Variants in RERE observed in about 807,000 individuals in gnomAD.
RERE encodes arginine-glutamic acid dipeptide repeats protein.
Under a neutral mutation model 146.1 loss-of-function variants are expected in RERE, and 40 were observed. The observed-to-expected ratio is 0.27, with a 90% CI of 0.21 to 0.36. The LOEUF (loss-of-function observed/expected upper bound fraction) is 0.36. Among genes scored for constraint, RERE ranks in the 10% least tolerant of loss-of-function variants. The pLI is 1.00. For synonymous variants in RERE, 1,003 were observed against 866.0 expected (o/e 1.16, Z -2.78); for missense variants, 1,933 against 2,138.7 (o/e 0.90, Z 1.90).
intron 1 of RERE, among the ~76,000 whole-genome samples, chr1:8,807,525 C>T (rs1387656954): frequency 1.3e-5 from 2 of 152,168 alleles, no homozygotes; most frequent in East Asian, 3.9e-4. Context: ...GCCAGACCAA[C>T]AAGAGGTCTT....
intron 11 of RERE, among the ~76,000 whole-genome samples, chr1:8,436,507 G>C (rs1644171617): frequency 6.6e-6 from 1 of 151,942 alleles, no homozygotes; most frequent in East Asian, 1.9e-4. Context: ...CAACACAGGA[G>C]GAAAGAGAAA....
chr1:8,573,469 G>A (rs1046206191), intron 4 of RERE, among the ~76,000 whole-genome samples: 2 of 151,912 alleles, frequency 1.3e-5, no homozygotes, highest in East Asian at 1.9e-4. Context: ...ATCCATCCAC[G>A]CCCTAGTTCA....
intron 10 of RERE, among the ~76,000 whole-genome samples, chr1:8,485,404 C>T (rs183296315): frequency 6.6e-6 from 1 of 151,822 alleles, no homozygotes; most frequent in Non-Finnish European, 1.5e-5. Flanking sequence ...ACCTGAAAAC[C>T]ATCTTCATTA....
intron 1 of RERE, among the ~76,000 whole-genome samples, chr1:8,801,024 T>A (rs1641580498): frequency 6.6e-6 from 1 of 151,834 alleles, no homozygotes; most frequent in African/African-American, 2.4e-5. Flanking sequence ...TTTGGGAGGC[T>A]GAGGTAGGTG....
intron 7 of RERE, chr1:8,512,861 C>T (rs996264872): frequency 2.0e-5 from 3 of 152,404 alleles, no homozygotes; most frequent in Non-Finnish European, 4.4e-5. Context: ...GATCTTTAGG[C>T]CCTGGGTTCT....
chr1:8,661,301 G>T (rs1417314949), intron 1 of RERE, among the ~76,000 whole-genome samples: 1 of 152,160 alleles, frequency 6.6e-6, no homozygotes. Flanking sequence ...CAAAAAGGGG[G>T]AGAGAGGTCA....
chr1:8,469,106 G>A (rs1481034924), intron 10 of RERE, among the ~76,000 whole-genome samples: 3 of 151,786 alleles, frequency 2.0e-5, no homozygotes, highest in Non-Finnish European at 2.9e-5. Flanking sequence ...AGCGACATGT[G>A]AGGATAATAT....
intron 1 of RERE, 43 bp from the exon 2 acceptor site, chr1:8,656,484 G>C (rs3737670): frequency 0.61 from 462,967 of 755,582 alleles, 143,964 homozygotes; most frequent in East Asian, 0.82. Context: ...TTTCATATTT[G>C]TTTCCTAAAA....
chr1:8,422,919 A>G (rs541208944), intron 11 of RERE, 112 bp from the exon 12 acceptor site: 105 of 783,742 alleles, frequency 1.3e-4, no homozygotes, highest in African/African-American at 1.1e-3. Context: ...AGTCTCGGCT[A>G]GGGAATACTG....
intron 3 of RERE, among the ~76,000 whole-genome samples, chr1:8,619,874 C>A (rs1299290253): frequency 6.6e-6 from 1 of 152,160 alleles, no homozygotes; most frequent in Non-Finnish European, 1.5e-5. Flanking sequence ...AGAAGACTGA[C>A]ATCCAATAAT....
intron 1 of RERE, among the ~76,000 whole-genome samples, chr1:8,687,161 G>GA (rs765588117): frequency 6.6e-6 from 1 of 152,214 alleles, no homozygotes; most frequent in Non-Finnish European, 1.5e-5. Context: ...ATGCTGCTGG[G>GA]AAAGATCCAG....
At chr1:8,580,181 C>A (rs2124049081) in intron 4 of RERE, among the ~76,000 whole-genome samples, 1 of 152,246 alleles carries the variant, frequency 6.6e-6, no homozygotes, top group Non-Finnish European at 1.5e-5. Context: ...GTATACAGCT[C>A]CTAGTAGCGG....
intron 6 of RERE, among the ~76,000 whole-genome samples, chr1:8,546,319 A>T: frequency 7.3e-6 from 1 of 137,452 alleles, no homozygotes; most frequent in South Asian, 2.3e-4. Flanking sequence ...ATAAAAATAT[A>T]TATATATAAT....
chr1:8,773,953 T>G (rs1641006347), intron 1 of RERE, among the ~76,000 whole-genome samples: 1 of 152,240 alleles, frequency 6.6e-6, no homozygotes, highest in Admixed American at 6.5e-5. Context: ...TGATCTCTAA[T>G]GATCTTTCCC....
chr1:8,487,162 A>G (rs1471227339), intron 10 of RERE, among the ~76,000 whole-genome samples: 1 of 152,222 alleles, frequency 6.6e-6, no homozygotes, highest in East Asian at 1.9e-4. Context: ...AAAATAAAGA[A>G]TAACAATCAT....
intron 6 of RERE, among the ~76,000 whole-genome samples, chr1:8,542,773 T>C (rs1436464639): frequency 6.6e-6 from 1 of 152,224 alleles, no homozygotes; most frequent in Non-Finnish European, 1.5e-5. Flanking sequence ...CCCAAAGCAC[T>C]GGGATTATAG....
intron 1 of RERE, among the ~76,000 whole-genome samples, chr1:8,760,175 G>A (rs1312650859): frequency 3.3e-5 from 5 of 152,046 alleles, no homozygotes; most frequent in East Asian, 1.9e-4. Flanking sequence ...ACAGGTGCCC[G>A]CCACCGCGCC....
At chr1:8,573,344 T>TAA (rs1486943711) in intron 4 of RERE, among the ~76,000 whole-genome samples, 2 of 152,118 alleles carry the variant, frequency 1.3e-5, no homozygotes, top group African/African-American at 4.8e-5. Context: ...TATATATATA[T>TAA]AACTAAAAAT....
chr1:8,725,256 G>A (rs999711148), intron 1 of RERE, among the ~76,000 whole-genome samples: 5 of 152,178 alleles, frequency 3.3e-5, no homozygotes, highest in African/African-American at 1.2e-4. Context: ...AGGAAAAATA[G>A]TTGTAACTAC....
Sources: gnomAD v4.1 joint callset for allele counts (sites outside exome capture counted in the v4.1 genomes callset) on GRCh38, gnomAD v4.1.1 for gene constraint, MANE v1.5 for transcripts, NCBI Gene and HGNC (gene_info 2026-07-23, HGNC 2026-07-21) for gene names.